TAS2R50: variants seen among roughly 807,000 people sequenced by gnomAD.
TAS2R50 encodes the protein taste receptor type 2 member 50.
For synonymous variants in TAS2R50, 140 were observed against 126.9 expected (o/e 1.10, Z -0.70); for missense variants, 372 against 347.0 (o/e 1.07, Z -0.57).
rs772194741 is a variant in TAS2R50, at chr12:10,986,596, C to A, written c.265G>T (p.Val89Phe). Residue 89 changes from valine to phenylalanine, a missense_variant, in exon 1 of 1, where the codon GTT becomes TTT. Coordinates refer to ENST00000506868, the MANE Select transcript of TAS2R50 (RefSeq NM_176890.2). ...ELRITSYNAW[V>F]VTNHFSMWLA... ...CACATGCTGAAATGGTTGGTTACAA[C>A]CCAGGCATTATAAGAAGTAATTCTT... is the stretch of plus-strand genomic sequence containing the variant. The A allele has an allele frequency of 6.2e-6, 10 of 1,613,866 alleles. No individual in the cohort carries two copies. In the East Asian group the frequency reaches 1.8e-4, roughly 29 times the overall value.
rs1219888770 is a variant in TAS2R50, at chr12:10,986,251, T to C, written c.610A>G (p.Lys204Glu). The C allele has an allele frequency of 2.5e-6, 4 of 1,614,134 alleles. No individual in the cohort carries two copies. The highest frequency in any genetic ancestry group is 3.4e-6 in the Non-Finnish European group (4 of 1,180,016). ...SFLMLICSLC[K>E]HLKKMQLHGE... ...TGGAGCTGCATCTTCTTGAGATGTT[T>C]ACACAGAGAACAGATTAGCATCAGA... Residue 204 changes from lysine (K) to glutamate (E), a missense_variant, in exon 1 of 1, where the codon AAA becomes GAA. Physicochemically the swap from Lys to Glu is moderately conservative, Grantham distance 56. Coordinates refer to ENST00000506868, the MANE Select transcript of TAS2R50 (RefSeq NM_176890.2).
Position 10,986,156 on chromosome 12 carries a change from G to A in TAS2R50, c.705C>T (p.Leu235=). 2 of 1,614,046 alleles carry A rather than the reference G, an allele frequency of 1.2e-6. No individual in the cohort carries two copies. The highest frequency in any genetic ancestry group is 1.7e-6 in the Non-Finnish European group (2 of 1,179,998). The change falls in exon 1 of 1, where the codon CTC becomes CTT. Residue 235 remains leucine (L), a synonymous_variant. Coordinates refer to ENST00000506868, the MANE Select transcript of TAS2R50 (RefSeq NM_176890.2). ...ATAGAAAGAAAATGGCACATAACAA[G>A]AGGAAGGAGATCAGAGTTTGCAAAG... ...IKALQTLISF[L]LLCAIFFLFL... is the part of the protein sequence containing the mutation.
Position 10,986,606 on chromosome 12 carries a change from A to G in TAS2R50, c.255T>C (p.Tyr85=). 1.9e-6 allele frequency: 3 copies of G among 1,614,046 alleles called. No individual in the cohort carries two copies. Among genetic ancestry groups the G allele is most frequent in the Non-Finnish European group, 2.5e-6 (3 of 1,179,986 alleles). Residue 85 remains tyrosine, a synonymous_variant, in exon 1 of 1, where the codon TAT becomes TAC. Coordinates refer to ENST00000506868, the MANE Select transcript of TAS2R50 (RefSeq NM_176890.2). ...FYSVELRITS[Y]NAWVVTNHFS... ...AATGGTTGGTTACAACCCAGGCATTATAAGAAGTAATTCTTAATTCTACAC... is the reference window on the plus strand; with the variant it reads ...AATGGTTGGTTACAACCCAGGCATTGTAAGAAGTAATTCTTAATTCTACAC...
At position 10,986,050 on chromosome 12, in the gene TAS2R50, A is replaced by G. The variant is rs760068052; in HGVS notation, c.811T>C (p.Tyr271His). The G allele has an allele frequency of 4.3e-6, 7 of 1,613,944 alleles. No individual in the cohort carries two copies. In the Admixed American group the frequency reaches 1.2e-4, roughly 27 times the overall value. ...AGGATGAATGAGTCGAATGCAAGAT[A>G]TATGTTTCCAACAGCCTTGCTAACC... ...VMVSKAVGNI[Y>H]LAFDSFILIW... is the part of the protein sequence containing the mutation. Residue 271 changes from tyrosine to histidine, a missense_variant, in exon 1 of 1, where the codon TAT (tyrosine) becomes CAT (histidine). Tyr to His is a moderately conservative substitution (Grantham distance 83). Coordinates refer to ENST00000506868, the MANE Select transcript of TAS2R50 (RefSeq NM_176890.2).
Position 10,986,299 on chromosome 12 carries a change from A to T in TAS2R50, c.562T>A (p.Phe188Ile). The change falls in exon 1 of 1, where the codon TTT becomes ATT. Residue 188 changes from phenylalanine (F) to isoleucine (I), a missense_variant. Coordinates refer to ENST00000506868, the MANE Select transcript of TAS2R50 (RefSeq NM_176890.2). The stretch of plus-strand genomic sequence containing the variant: ...AGAAAAGATATCAGGGACAGAGTAA[A>T]GGGTATGAAGCTCCATAGGGTAGTT... ...TVTTLWSFIPFTLSLISFLML... is the reference protein window; with the variant it reads ...TVTTLWSFIPITLSLISFLML... 2 of 1,614,114 alleles carry T rather than the reference A, an allele frequency of 1.2e-6. No individual in the cohort carries two copies. Among genetic ancestry groups the T allele is most frequent in the Non-Finnish European group, 1.7e-6 (2 of 1,180,020 alleles).
chr12:10,985,997 G>A lies in TAS2R50; in HGVS notation c.864C>T (p.His288=), dbSNP rs1565522668. The stretch of plus-strand genomic sequence containing the variant: ...TCTGACACAAAATCAAAAGAAAGGT[G>A]TGTTTTAGCTTCTTGGTTCTCCAAA... ...ILIWRTKKLK[H]TFLLILCQIR... The change falls in exon 1 of 1, where the codon CAC becomes CAT. Residue 288 remains histidine, a synonymous_variant. Coordinates refer to ENST00000506868, the MANE Select transcript of TAS2R50 (RefSeq NM_176890.2). 6.2e-7 allele frequency: 1 copy of A among 1,613,290 alleles called. No individual in the cohort carries two copies. The highest frequency in any genetic ancestry group is 8.5e-7 in the Non-Finnish European group (1 of 1,179,710).
Position 10,985,967 on chromosome 12 carries a change from C to T in TAS2R50, c.894G>A (p.Arg298=). 1.2e-6 allele frequency: 2 copies of T among 1,609,752 alleles called. No homozygotes were observed. Among genetic ancestry groups the T allele is most frequent in the East Asian group, 2.2e-5 (1 of 44,872 alleles). Residue 298 remains arginine, a synonymous_variant, in exon 1 of 1, where the codon AGG becomes AGA. Transcript: ENST00000506868. ...HTFLLILCQI[R]C is the part of the protein sequence containing the mutation. ...AGAGTTTCAGGTCTTTTACTCAGCA[C>T]CTAATCTGACACAAAATCAAAAGAA...
Position 10,986,300 on chromosome 12 carries a change from G to C in TAS2R50, c.561C>G (p.Pro187=). The C allele has an allele frequency of 6.2e-7, 1 of 1,614,040 alleles. No homozygotes were observed. The highest frequency in any genetic ancestry group is 8.5e-7 in the Non-Finnish European group (1 of 1,180,004). ...GAAAAGATATCAGGGACAGAGTAAA[G>C]GGTATGAAGCTCCATAGGGTAGTTA... ...LTVTTLWSFI[P]FTLSLISFLM... is the part of the protein sequence containing the mutation. The change falls in exon 1 of 1, where the codon CCC becomes CCG. Residue 187 remains proline (P), a synonymous_variant. Coordinates refer to ENST00000506868, the MANE Select transcript of TAS2R50 (RefSeq NM_176890.2).
At position 10,986,666 on chromosome 12, in the gene TAS2R50, A is replaced by G. The variant is rs374836424; in HGVS notation, c.195T>C (p.Asn65=). ...RIGLLWALLL[N]WYLTVLNPAF... ...CTGGATTCAACACAGTTAAATACCA[A>G]TTTAATAATAATGCCCAGAGCAAAC... The change falls in exon 1 of 1, where the codon AAT becomes AAC. Residue 65 remains asparagine (N), a synonymous_variant. Transcript: ENST00000506868. 48 of 1,612,168 alleles carry G rather than the reference A, an allele frequency of 3.0e-5. No individual in the cohort carries two copies. Among genetic ancestry groups the G allele is most frequent in the Middle Eastern group, 1.7e-4 (1 of 6,060 alleles).
In TAS2R50 at chr12:10,986,053, T is replaced by C. The variant is rs1383358371; in HGVS notation, c.808A>G (p.Ile270Val). 1.2e-6 allele frequency: 2 copies of C among 1,613,938 alleles called. No individual in the cohort carries two copies. Among genetic ancestry groups the C allele is most frequent in the Non-Finnish European group, 1.7e-6 (2 of 1,180,002 alleles). ...ATGAATGAGTCGAATGCAAGATATA[T>C]GTTTCCAACAGCCTTGCTAACCATG... ...VVMVSKAVGN[I>V]YLAFDSFILI... Residue 270 changes from isoleucine (I) to valine (V), a missense_variant, in exon 1 of 1, where the codon ATA (isoleucine) becomes GTA (valine). By Grantham distance (29) the Ile-to-Val change is conservative. Transcript: ENST00000506868.
In TAS2R50 at chr12:10,985,913, A is replaced by G; in HGVS notation, c.*48T>C. On this transcript the variant is annotated 3_prime_UTR_variant, in exon 1 of 1. Coordinates refer to ENST00000506868, the MANE Select transcript of TAS2R50 (RefSeq NM_176890.2). ...TTGTTTTCTCCTAGAATACACACAC[A>G]ATGTCCCACTTGTGAATCTAGAGAG... is the stretch of plus-strand genomic sequence containing the variant. The G allele has an allele frequency of 6.5e-7, 1 of 1,533,428 alleles. No individual in the cohort carries two copies. The allele number at this position is 1,533,428 out of a possible 1,614,324, so 95.0% of individuals were successfully genotyped here.
Position 10,986,546 on chromosome 12 carries a change from A to C in TAS2R50, c.315T>G (p.Phe105Leu). The C allele has an allele frequency of 6.2e-7, 1 of 1,614,126 alleles. No homozygotes were observed. Among genetic ancestry groups the C allele is most frequent in the Non-Finnish European group, 8.5e-7 (1 of 1,180,010 alleles). ...SMWLAANLSI[F>L]YLLKIANFSN... ...AGAAATTGGCAATCTTGAGCAAATA[A>C]AATATGCTGAGGTTAGCAGCAAGCC... is the stretch of plus-strand genomic sequence containing the variant. The change falls in exon 1 of 1, where the codon TTT (phenylalanine) becomes TTG (leucine). Residue 105 changes from phenylalanine to leucine, a missense_variant. Phe to Leu is a conservative substitution (Grantham distance 22, BLOSUM62 0). Transcript: ENST00000506868.
chr12:10,986,479 C>T lies in TAS2R50; in HGVS notation c.382G>A (p.Val128Ile), dbSNP rs763777855. Residue 128 changes from valine (V) to isoleucine (I), a missense_variant, in exon 1 of 1, where the codon GTC becomes ATC. Physicochemically the swap from Val to Ile is conservative, Grantham distance 29 (BLOSUM62 3). Coordinates refer to ENST00000506868, the MANE Select transcript of TAS2R50 (RefSeq NM_176890.2). ...GTCCCCAACAGTATCACCAGAATGA[C>T]ACTCCTAACTCTCCTCTTTAAATGA... is the stretch of plus-strand genomic sequence containing the variant. The part of the protein sequence containing the change: ...FLHLKRRVRS[V>I]ILVILLGTLI... The T allele has an allele frequency of 1.1e-5, 18 of 1,613,932 alleles. No homozygotes were observed. The African/African-American group carries it at 2.1e-4, about 19-fold the overall frequency.
chr12:10,986,749 T>C lies in TAS2R50; in HGVS notation c.112A>G (p.Arg38Gly), dbSNP rs758287944. The C allele has an allele frequency of 5.0e-6, 8 of 1,611,948 alleles. 1 individual carries two copies. The South Asian group carries it at 8.8e-5, about 18-fold the overall frequency. Residue 38 changes from arginine to glycine, a missense_variant, in exon 1 of 1, where the codon AGA becomes GGA. Coordinates refer to ENST00000506868, the MANE Select transcript of TAS2R50 (RefSeq NM_176890.2). ...TGGTCAGCTGAGGAGATCTTTTTTC[T>C]CTTCACCCAGTCAATGAAATTTACC... ...ALVNFIDWVK[R>G]KKISSADQIL...
chr12:10,985,932 T>C lies in TAS2R50; in HGVS notation c.*29A>G. 6.4e-7 allele frequency: 1 copy of C among 1,572,884 alleles called. No individual in the cohort carries two copies. Among genetic ancestry groups the C allele is most frequent in the South Asian group, 1.2e-5 (1 of 82,270 alleles). Reference sequence around the variant, plus strand: ...ACACACAATGTCCCACTTGTGAATCTAGAGAGTTGAGAGTTTCAGGTCTTT... The same window carrying C: ...ACACACAATGTCCCACTTGTGAATCCAGAGAGTTGAGAGTTTCAGGTCTTT... On this transcript the variant is annotated 3_prime_UTR_variant, in exon 1 of 1. Transcript: ENST00000506868.
chr12:10,986,154 A>G lies in TAS2R50; in HGVS notation c.707T>C (p.Leu236Ser). 3 of 1,614,084 alleles carry G rather than the reference A, an allele frequency of 1.9e-6. No homozygotes were observed. Among genetic ancestry groups the G allele is most frequent in the Non-Finnish European group, 2.5e-6 (3 of 1,179,996 alleles). Residue 236 changes from leucine to serine, a missense_variant, in exon 1 of 1, where the codon TTG becomes TCG. By Grantham distance (145) the Leu-to-Ser change is moderately radical (BLOSUM62 -2). Coordinates refer to ENST00000506868, the MANE Select transcript of TAS2R50 (RefSeq NM_176890.2). ...GAATAGAAAGAAAATGGCACATAACAAGAGGAAGGAGATCAGAGTTTGCAA... is the reference window on the plus strand; with the variant it reads ...GAATAGAAAGAAAATGGCACATAACGAGAGGAAGGAGATCAGAGTTTGCAA... ...KALQTLISFL[L>S]LCAIFFLFLI...
rs772223647 is a variant in TAS2R50 at position 10,986,033 on chromosome 12, T to G, written c.828A>C (p.Ser276=). Residue 276 remains serine, a synonymous_variant, in exon 1 of 1, where the codon TCA becomes TCC. Transcript: ENST00000506868. The stretch of plus-strand genomic sequence containing the variant: ...TCTTGGTTCTCCAAATTAGGATGAA[T>G]GAGTCGAATGCAAGATATATGTTTC... ...AVGNIYLAFD[S]FILIWRTKKL... 6.2e-7 allele frequency: 1 copy of G among 1,614,008 alleles called. No homozygotes were observed. Among genetic ancestry groups the G allele is most frequent in the Non-Finnish European group, 8.5e-7 (1 of 1,179,970 alleles).
rs907002579 is a variant in TAS2R50 at position 10,986,677 on chromosome 12, A to G, written c.184T>C (p.Leu62=). ...ACAGTTAAATACCAATTTAATAATA[A>G]TGCCCAGAGCAAACCAATTCTGGAG... The part of the protein sequence containing the change: ...AVSRIGLLWA[L]LLNWYLTVLN... The change falls in exon 1 of 1, where the codon TTA becomes CTA. Residue 62 remains leucine, a synonymous_variant. Transcript: ENST00000506868. 3 of 1,612,190 alleles carry G rather than the reference A, an allele frequency of 1.9e-6. No homozygotes were observed. The highest frequency in any genetic ancestry group is 1.1e-5 in the South Asian group (1 of 90,592).
In TAS2R50 at chr12:10,986,206, G is replaced by C. The variant is rs752598677; in HGVS notation, c.655C>G (p.Leu219Val). ...GCTTTTATGTGGACCTTGGTGCTGA[G>C]ATCTTGCGATCCTTCTCCATGGAGC... ...MQLHGEGSQD[L>V]STKVHIKALQ... The change falls in exon 1 of 1, where the codon CTC becomes GTC. Residue 219 changes from leucine to valine, a missense_variant. Physicochemically the swap from Leu to Val is conservative, Grantham distance 32. Transcript: ENST00000506868. The C allele has an allele frequency of 1.9e-6, 3 of 1,614,092 alleles. No homozygotes were observed. The highest frequency in any genetic ancestry group is 2.5e-6 in the Non-Finnish European group (3 of 1,180,016).
Sources: allele counts gnomAD v4.1 joint callset, GRCh38; gene constraint gnomAD v4.1.1; transcripts MANE v1.5; gene names NCBI Gene and HGNC (gene_info 2026-07-23, HGNC 2026-07-21).